The following CROCC2 variants were observed in gnomAD, a reference collection of about 807,000 sequenced individuals.
CROCC2 encodes ciliary rootlet coiled-coil protein 2.
In CROCC2, 163 loss-of-function variants were observed where a neutral mutation model predicts 177.6. That is an observed-to-expected ratio of 0.92 (90% CI 0.81 to 1.05). The LOEUF (loss-of-function observed/expected upper bound fraction) is 1.05, where lower values mean the gene tolerates loss of function less well. Among genes scored for constraint, CROCC2 ranks in the 50% least tolerant of loss-of-function variants. The probability of loss-of-function intolerance (pLI) is 0.00; values close to 1 mark genes in which losing one functional copy is unlikely to be tolerated. For missense variants in CROCC2, 1,929 were observed against 1,797.8 expected, an observed-to-expected ratio of 1.07 and a Z score of -1.32; for synonymous variants, 904 against 787.3, an observed-to-expected ratio of 1.15 and a Z score of -2.48.
At chr2:240,959,645 C>G (rs1232713596) in intron 20 of CROCC2, 1 of 587,116 alleles carries the variant, frequency 1.7e-6, no homozygotes, top group Non-Finnish European at 2.8e-6. Flanking sequence ...CGCACTAAGC[C>G]AAGCCCAGGC....
chr2:240,929,533 C>T (rs764361517), intron 5 of CROCC2, among the ~76,000 whole-genome samples: 30 of 152,098 alleles, frequency 2.0e-4, no homozygotes, highest in African/African-American at 5.1e-4. Context: ...CCTCCCACTC[C>T]GCTCCGTTAC....
At position 240,973,799 on chromosome 2, in the gene CROCC2, T is replaced by G. The variant is rs2059739741; in HGVS notation, c.4401+5537T>G. 6.6e-6 allele frequency among the ~76,000 whole-genome samples: 1 copy of G among 152,242 alleles called. No individual in the cohort carries two copies. Among genetic ancestry groups the G allele is most frequent in the South Asian group, 2.1e-4 (1 of 4,834 alleles). On this transcript the variant is annotated intron_variant, in intron 27 of 31. Transcript: ENST00000690015. This position sits in a 1 kb window ranked among gnomAD's most constrained non-coding sequence, Gnocchi z 4.7. ...TGGTGACATAGTTTTCAGATTTATT[T>G]GTGTTAAGAAAATTGTATTATTTTA...
intron 1 of CROCC2, among the ~76,000 whole-genome samples, chr2:240,911,130 CA>C (rs547949509): frequency 6.6e-6 from 1 of 151,058 alleles, no homozygotes; most frequent in South Asian, 2.1e-4. Flanking sequence ...GACCCTGTCT[CA>C]AAAAAAATAA....
intron 1 of CROCC2, among the ~76,000 whole-genome samples, chr2:240,912,098 C>A (rs1387682312): frequency 6.6e-6 from 1 of 152,208 alleles, no homozygotes; most frequent in Non-Finnish European, 1.5e-5. Flanking sequence ...CCGTCTTACC[C>A]TCCCGCTTCT....
At chr2:240,992,132 G>A (rs549466166) in intron 31 of CROCC2, among the ~76,000 whole-genome samples, 15 of 152,362 alleles carry the variant, frequency 9.8e-5, no homozygotes, top group Non-Finnish European at 2.1e-4. Flanking sequence ...TGGGCCTGTG[G>A]CGTGGGCCAC....
rs184877724 is a variant in CROCC2 at position 240,972,772 on chromosome 2, C to T, written c.4401+4510C>T. ...AGGCCAAGTTGGTCTCATCTGCCCT[C>T]GGGAGTCCTCCAAGTCCCTGGTCTC... On this transcript the variant is annotated intron_variant, in intron 27 of 31. Coordinates refer to ENST00000690015, the MANE Select transcript of CROCC2 (RefSeq NM_001351305.2). This position sits in a 1 kb window ranked among gnomAD's most constrained non-coding sequence, Gnocchi z 7.1. Among the ~76,000 whole-genome samples, 16 of 152,196 alleles carry T rather than the reference C, an allele frequency of 1.1e-4. No individual in the cohort carries two copies. The highest frequency in any genetic ancestry group is 6.2e-4 in the South Asian group (3 of 4,818).
chr2:240,932,818 G>A lies in CROCC2; in HGVS notation c.1161G>A (p.Ala387=), dbSNP rs565914589. The change falls in exon 9 of 32, where the codon GCG becomes GCA. Residue 387 remains alanine, a synonymous_variant. Transcript: ENST00000690015. ...GTGCCACATCCCCCCATCAAGGGGC[G>A]TCCCCACCACACATCTGCTCCCCAG... ...PQRATSPHQG[A]SPPHICSPAT... is the part of the protein sequence containing the mutation. 105 of 1,538,166 alleles carry A rather than the reference G, an allele frequency of 6.8e-5. No homozygotes were observed. Among genetic ancestry groups the A allele is most frequent in the African/African-American group, 5.8e-4 (42 of 72,884 alleles).
At position 240,949,356 on chromosome 2, in the gene CROCC2, C is replaced by T. The variant is rs74000180; in HGVS notation, c.2483-177C>T. Among the ~76,000 whole-genome samples, 2,206 of 152,278 alleles carry T rather than the reference C, an allele frequency of 0.014. 50 individuals carry two copies. Among genetic ancestry groups the T allele is most frequent in the African/African-American group, 0.05 (2,092 of 41,548 alleles). On this transcript the variant is annotated intron_variant, in intron 16 of 31. Transcript: ENST00000690015. This position sits in a 1 kb window ranked among gnomAD's most constrained non-coding sequence, Gnocchi z 4.5. Reference sequence around the variant, plus strand: ...GGCCACAGGGTCAGCATGTAGCCTCCAGCTGCAGCCCTGTACCCTTGACCC... The same window carrying T: ...GGCCACAGGGTCAGCATGTAGCCTCTAGCTGCAGCCCTGTACCCTTGACCC...
At chr2:240,948,884 G>C in intron 15 of CROCC2, 95 bp from the exon 16 acceptor site, 1 of 1,125,918 alleles carries the variant, frequency 8.9e-7, no homozygotes, top group Non-Finnish European at 1.3e-6. Flanking sequence ...TTGCATTTCA[G>C]CTGAGTCTCA....
chr2:240,935,498 C>T lies in CROCC2; in HGVS notation c.2079C>T (p.Cys693=), dbSNP rs989354349. ...AGCGCAGGGGCCTGCAGCAGGCCTG[C>T]GGACGCCTGGAGCAGCGGCAGGAGC... ...RAERRGLQQA[C]GRLEQRQEQL... Residue 693 remains cysteine (C), a synonymous_variant, in exon 14 of 32, where the codon TGC becomes TGT. Coordinates refer to ENST00000690015, the MANE Select transcript of CROCC2 (RefSeq NM_001351305.2). The T allele has an allele frequency of 2.0e-5, 27 of 1,342,466 alleles. No homozygotes were observed. The highest frequency in any genetic ancestry group is 1.2e-4 in the African/African-American group (8 of 65,260). 83.2% of individuals were successfully genotyped at this position (1,342,466 alleles called of 1,614,324 possible).
chr2:240,967,543 C>A, intron 26 of CROCC2, 78 bp downstream of exon 26: 2 of 1,528,478 alleles, frequency 1.3e-6, no homozygotes, highest in Non-Finnish European at 1.8e-6. Flanking sequence ...CTGCTGCCGG[C>A]TATAAGCTTT....
At chr2:240,948,926 T>G in intron 15 of CROCC2, 53 bp from the exon 16 acceptor site, 1 of 1,520,898 alleles carries the variant, frequency 6.6e-7, no homozygotes, top group South Asian at 1.2e-5. Flanking sequence ...AGAGAGCATT[T>G]TACACGCAGG....
intron 3 of CROCC2, 117 bp from the exon 4 acceptor site, chr2:240,922,421 TG>T (rs2059362249): frequency 5.2e-6 from 3 of 574,658 alleles, no homozygotes; most frequent in Non-Finnish European, 9.5e-6. Context: ...GCCCCTGCTG[TG>T]GGGCCCCAGG....
In CROCC2 at chr2:240,906,436, G is replaced by A. The variant is rs1468350199; in HGVS notation, c.-78G>A. On this transcript the variant is annotated 5_prime_UTR_variant, in exon 1 of 32. Transcript: ENST00000690015. ...ACAGGTGTGGGGCCCGTGGACCAAGGAAGACCCTGGCCAGTTGGAGGAGAA... is the reference window on the plus strand; with the variant it reads ...ACAGGTGTGGGGCCCGTGGACCAAGAAAGACCCTGGCCAGTTGGAGGAGAA... The A allele has an allele frequency of 5.0e-6, 2 of 398,790 alleles. No individual in the cohort carries two copies. Among genetic ancestry groups the A allele is most frequent in the Admixed American group, 4.4e-5 (1 of 22,722 alleles). 24.7% of individuals were successfully genotyped at this position (398,790 alleles called of 1,614,324 possible).
At chr2:240,956,260 G>C in intron 19 of CROCC2, 1 of 467,472 alleles carries the variant, frequency 2.1e-6, no homozygotes, top group Non-Finnish European at 3.9e-6. Context: ...CCAGCTGGGG[G>C]CCTCCCATGA....
At chr2:240,985,709 ACACACACACCCAGGCAC>A (rs2059836112) in intron 28 of CROCC2, among the ~76,000 whole-genome samples, 1 of 13,862 alleles carries the variant, frequency 7.2e-5, no homozygotes, top group Non-Finnish European at 1.0e-4. Flanking sequence ...CTCACTCCAC[ACACACACACCCAGGCAC>A]TCACTCCACA....
intron 21 of CROCC2, chr2:240,963,980 T>A (rs1464302736): frequency 1.6e-6 from 1 of 608,862 alleles, no homozygotes; most frequent in Admixed American, 2.9e-5. Flanking sequence ...GCTGAGGACA[T>A]GGACACACCT....
rs1476716322 is a variant in CROCC2, at chr2:240,968,122, C to G, written c.4268-7C>G. 3 of 1,437,598 alleles carry G rather than the reference C, an allele frequency of 2.1e-6. No individual in the cohort carries two copies. Among genetic ancestry groups the G allele is most frequent in the African/African-American group, 1.5e-5 (1 of 68,558 alleles). The allele number at this position is 1,437,598 out of a possible 1,614,324, so 89.1% of individuals were successfully genotyped here. On this transcript the variant is annotated splice_region_variant and splice_polypyrimidine_tract_variant and intron_variant, in intron 26 of 31. Transcript: ENST00000690015. ...GGGCCCCTCAAGCCACCCTGCTTGCCCCACAGGCCAGCGCCGGGTGGAGGG... is the reference window on the plus strand; with the variant it reads ...GGGCCCCTCAAGCCACCCTGCTTGCGCCACAGGCCAGCGCCGGGTGGAGGG...
In CROCC2 at chr2:240,930,254, G is replaced by C. The variant is rs902344281; in HGVS notation, c.734G>C (p.Arg245Pro). The C allele has an allele frequency of 5.3e-6, 3 of 565,624 alleles. No individual in the cohort carries two copies. The highest frequency in any genetic ancestry group is 9.7e-6 in the Non-Finnish European group (3 of 308,258). The allele number at this position is 565,624 out of a possible 1,614,324, so 35.0% of individuals were successfully genotyped here. A position where few individuals can be genotyped will look rare whatever the true frequency, so the allele number is the denominator to read the frequency against. The change falls in exon 6 of 32, where the codon CGT becomes CCT. Residue 245 changes from arginine to proline, a missense_variant. Around this residue, in one of 3 missense-constraint regions of CROCC2, gnomAD observed 1,397 missense variants for 1,239.9 expected, o/e 1.13. Coordinates refer to ENST00000690015, the MANE Select transcript of CROCC2 (RefSeq NM_001351305.2). The stretch of plus-strand genomic sequence containing the variant: ...CTGGGGACAGACCTGGCCGAGCTGC[G>C]TGTAGCCACTGAGAGGTGAGTGCCA... ...VVLGTDLAEL[R>P]VATERGLADL...
Sources: gnomAD v4.1 joint callset for allele counts (sites outside exome capture counted in the v4.1 genomes callset) on GRCh38, gnomAD v4.1.1 for gene constraint, gnomAD v4.1.1 regional missense constraint, Gnocchi (gnomAD v3.1) non-coding constraint, MANE v1.5 for transcripts, NCBI Gene and HGNC (gene_info 2026-07-23, HGNC 2026-07-21) for gene names.